CNTN6: variants seen among roughly 807,000 people sequenced by gnomAD.
CNTN6 encodes the protein contactin-6.
Under a neutral mutation model 122.8 loss-of-function variants are expected in CNTN6, and 137 were observed. The ratio of observed to expected loss-of-function variants is 1.12; its 90% CI spans 0.97 to 1.29. The LOEUF is 1.29. Ranked by LOEUF, CNTN6 falls within the 50% of genes most tolerant of loss-of-function variation. CNTN6 has a pLI of 0.00. For synonymous variants in CNTN6, 570 were observed against 426.0 expected (o/e 1.34, Z -4.16); for missense variants, 1,634 against 1,223.4 (o/e 1.34, Z -5.01).
intron 4 of CNTN6, among the ~76,000 whole-genome samples, chr3:1,261,558 G>A (rs1041841818): frequency 1.3e-5 from 2 of 152,088 alleles, no homozygotes; most frequent in African/African-American, 2.4e-5. Flanking sequence ...AGACAAGTAT[G>A]TGTCTGTGGA....
Position 1,100,583 on chromosome 3 carries a change from C to T in CNTN6, c.-83+7463C>T, listed in dbSNP as rs73816446. On this transcript the variant is annotated intron_variant, in intron 1 of 22. Coordinates refer to ENST00000446702, the MANE Select transcript of CNTN6 (RefSeq NM_001289080.2). ...TCAGCTATTATATATTTCAATCTTG[C>T]GTCTTTTAAATCCCTTTATTTTCTC... Among the ~76,000 whole-genome samples, 1,173 of 152,144 alleles carry T rather than the reference C, an allele frequency of 7.7e-3. 13 individuals are homozygous for T. Among genetic ancestry groups the T allele is most frequent in the African/African-American group, 0.027 (1,117 of 41,536 alleles).
intron 4 of CNTN6, among the ~76,000 whole-genome samples, chr3:1,230,097 C>A (rs1268654237): frequency 1.3e-5 from 2 of 152,040 alleles, no homozygotes; most frequent in East Asian, 3.9e-4. Context: ...ATGAACTGTA[C>A]CTTCATCTTA....
At chr3:1,370,227 T>C (rs1359050041) in intron 12 of CNTN6, among the ~76,000 whole-genome samples, 1 of 151,634 alleles carries the variant, frequency 6.6e-6, no homozygotes, top group Non-Finnish European at 1.5e-5. Context: ...TTTTTCTTTC[T>C]TTTTTTTTAA....
chr3:1,166,499 A>AT (rs1449247575), intron 2 of CNTN6, among the ~76,000 whole-genome samples: 6 of 152,114 alleles, frequency 3.9e-5, no homozygotes, highest in Admixed American at 2.6e-4. Flanking sequence ...ACAGATTAAA[A>AT]TTTTTTTTAA....
At chr3:1,118,883 A>C in intron 1 of CNTN6, among the ~76,000 whole-genome samples, 1 of 152,184 alleles carries the variant, frequency 6.6e-6, no homozygotes, top group Non-Finnish European at 1.5e-5. Flanking sequence ...AAACAAAACA[A>C]AACAAAAAAA....
intron 9 of CNTN6, among the ~76,000 whole-genome samples, chr3:1,326,480 C>T (rs1234877380): frequency 6.6e-6 from 1 of 151,800 alleles, no homozygotes; most frequent in African/African-American, 2.4e-5. Context: ...AGGACCCAAT[C>T]TCTTAGTCAC....
At chr3:1,365,070 C>G (rs1230119623) in intron 12 of CNTN6, among the ~76,000 whole-genome samples, 1 of 151,880 alleles carries the variant, frequency 6.6e-6, no homozygotes, top group African/African-American at 2.4e-5. Context: ...ATTCACTCTC[C>G]CCCAACATGT....
Position 1,098,222 on chromosome 3 carries a change from A to G in CNTN6, c.-83+5102A>G, listed in dbSNP as rs139964589. 4.8e-3 allele frequency among the ~76,000 whole-genome samples: 721 copies of G among 151,248 alleles called. 5 individuals carry two copies. Among genetic ancestry groups the G allele is most frequent in the African/African-American group, 0.017 (685 of 40,750 alleles). On this transcript the variant is annotated intron_variant, in intron 1 of 22. Transcript: ENST00000446702. ...GCACATTGTGCACATGTACCCTAAA[A>G]CTTAAAGTATAATAATACTAATAAT...
intron 2 of CNTN6, among the ~76,000 whole-genome samples, chr3:1,209,534 T>C (rs1195343898): frequency 6.6e-6 from 1 of 152,220 alleles, no homozygotes; most frequent in Non-Finnish European, 1.5e-5. Context: ...TAACTGATGC[T>C]TGATGTTCAA....
chr3:1,277,975 C>T (rs1039939083), intron 4 of CNTN6, among the ~76,000 whole-genome samples: 2 of 152,208 alleles, frequency 1.3e-5, no homozygotes, highest in Non-Finnish European at 2.9e-5. Flanking sequence ...AGAACTCTTT[C>T]CCTCACACCA....
intron 4 of CNTN6, among the ~76,000 whole-genome samples, chr3:1,250,789 A>G (rs1417290637): frequency 1.3e-5 from 2 of 152,058 alleles, no homozygotes; most frequent in South Asian, 2.1e-4. Flanking sequence ...TGTTGCTTCA[A>G]CTGACATTTG....
chr3:1,180,935 T>C (rs1428369622), intron 2 of CNTN6, among the ~76,000 whole-genome samples: 2 of 152,224 alleles, frequency 1.3e-5, no homozygotes, highest in African/African-American at 4.8e-5. Context: ...TTTAGTTTCT[T>C]CCTCACTTGT....
chr3:1,401,422 T>TCTCTTTAAAG lies in CNTN6; in HGVS notation c.2705-7_2707dup. On this transcript the variant is annotated splice_polypyrimidine_tract_variant and intron_variant, in intron 20 of 22. Coordinates refer to ENST00000446702, the MANE Select transcript of CNTN6 (RefSeq NM_001289080.2). ...TAACATTCATTTGGATCTTTGATTA[T>TCTCTTTAAAG]CTCTTTAAAGCTCCAAGCCAACCAC... 6.2e-7 allele frequency: 1 copy of TCTCTTTAAAG among 1,601,662 alleles called. No individual in the cohort carries two copies. The highest frequency in any genetic ancestry group is 1.3e-5 in the African/African-American group (1 of 74,686).
intron 1 of CNTN6, among the ~76,000 whole-genome samples, chr3:1,132,495 C>T (rs2092362418): frequency 6.6e-6 from 1 of 151,746 alleles, no homozygotes; most frequent in African/African-American, 2.4e-5. Flanking sequence ...GAAGCTGAGG[C>T]AGGAGGATCA....
chr3:1,272,469 A>T (rs1345402515), intron 4 of CNTN6, among the ~76,000 whole-genome samples: 1 of 152,244 alleles, frequency 6.6e-6, no homozygotes, highest in Non-Finnish European at 1.5e-5. Flanking sequence ...TATATTAAAA[A>T]ATGAAAGAAC....
At chr3:1,102,644 C>T (rs995430498) in intron 1 of CNTN6, among the ~76,000 whole-genome samples, 26 of 148,788 alleles carry the variant, frequency 1.7e-4, no homozygotes, top group South Asian at 8.6e-4. Context: ...AGGAGAATGG[C>T]GGGAACCCGG....
At chr3:1,248,217 C>G (rs563179372) in intron 4 of CNTN6, among the ~76,000 whole-genome samples, 3 of 152,226 alleles carry the variant, frequency 2.0e-5, no homozygotes, top group East Asian at 1.9e-4. Flanking sequence ...GTAACATATT[C>G]TAGTTCTCAA....
At chr3:1,119,742 C>A (rs937539384) in intron 1 of CNTN6, among the ~76,000 whole-genome samples, 7 of 152,000 alleles carry the variant, frequency 4.6e-5, no homozygotes, top group African/African-American at 1.7e-4. Flanking sequence ...ATATAACTCA[C>A]ATATAACAAA....
chr3:1,388,324 T>TATTCC (rs1693475804), intron 20 of CNTN6, among the ~76,000 whole-genome samples: 1 of 145,508 alleles, frequency 6.9e-6, no homozygotes, highest in Admixed American at 7.1e-5. Context: ...CACGGCAGGG[T>TATTCC]ATGCCAACAG....
Sources: gnomAD v4.1 joint callset for allele counts (sites outside exome capture counted in the v4.1 genomes callset) on GRCh38, gnomAD v4.1.1 for gene constraint, MANE v1.5 for transcripts, NCBI Gene and HGNC (gene_info 2026-07-23, HGNC 2026-07-21) for gene names.